The following ANAPC1 variants were observed in gnomAD, a reference collection of about 807,000 sequenced individuals.
The protein encoded by ANAPC1 is anaphase-promoting complex subunit 1.
In ANAPC1, 36 loss-of-function variants were observed where a neutral mutation model predicts 208.0. That is an observed-to-expected ratio of 0.17 (90% CI 0.13 to 0.23). The LOEUF (loss-of-function observed/expected upper bound fraction) is 0.23, where lower values mean the gene tolerates loss of function less well. Among genes scored for constraint, ANAPC1 ranks in the 10% least tolerant of loss-of-function variants. ANAPC1 has a pLI of 1.00. For synonymous variants in ANAPC1, 378 were observed against 695.2 expected, an observed-to-expected ratio of 0.54 and a Z score of 7.18; for missense variants, 942 against 2,011.6, an observed-to-expected ratio of 0.47 and a Z score of 10.17.
chr2:111,844,196 C>T (rs1173512449), intron 16 of ANAPC1, among the ~76,000 whole-genome samples: 1 of 152,108 alleles, frequency 6.6e-6, no homozygotes. Flanking sequence ...AGAGACAGTC[C>T]TGATTTACAT....
chr2:111,809,033 A>G lies in ANAPC1; in HGVS notation c.3746T>C (p.Val1249Ala). Residue 1249 changes from valine (V) to alanine (A), a missense_variant, in exon 29 of 48, where the codon GTC becomes GCC. Transcript: ENST00000341068. ...TSTELDVPHN[V>A]QVAAVVGIGL... ...AATGCCAACCACTGCAGCCACTTGG[A>G]CATTGTGAGGAACATCCAGCTCTGT... is the stretch of plus-strand genomic sequence containing the variant. 6.2e-7 allele frequency: 1 copy of G among 1,611,560 alleles called. No homozygotes were observed. The highest frequency in any genetic ancestry group is 8.5e-7 in the Non-Finnish European group (1 of 1,179,802).
chr2:111,874,610 T>C (rs1303050023), intron 3 of ANAPC1, among the ~76,000 whole-genome samples: 1 of 152,208 alleles, frequency 6.6e-6, no homozygotes, highest in African/African-American at 2.4e-5. Flanking sequence ...TTTTATCCCT[T>C]TTTAAAGCTA....
chr2:111,788,952 C>T (rs1375103783), intron 38 of ANAPC1, among the ~76,000 whole-genome samples: 2 of 152,180 alleles, frequency 1.3e-5, no homozygotes, highest in African/African-American at 4.8e-5. Context: ...TCCTGGCTAA[C>T]ACGGTGAAAC....
intron 17 of ANAPC1, among the ~76,000 whole-genome samples, chr2:111,843,135 T>C (rs1270219030): frequency 6.6e-6 from 1 of 152,218 alleles, no homozygotes; most frequent in African/African-American, 2.4e-5. Context: ...CTATCACTAA[T>C]CCTAGCATAA....
chr2:111,822,937 A>G lies in ANAPC1; in HGVS notation c.2813-337T>C, dbSNP rs1451174945. Among the ~76,000 whole-genome samples, 16 of 151,906 alleles carry G rather than the reference A, an allele frequency of 1.1e-4. No individual in the cohort carries two copies. The East Asian group carries it at 2.5e-3, about 24-fold the overall frequency. On this transcript the variant is annotated intron_variant, in intron 24 of 47. Coordinates refer to ENST00000341068, the MANE Select transcript of ANAPC1 (RefSeq NM_022662.4). ...AAATTAAAGCTACTGAGAAATATAA[A>G]TGTCAAAGCCAATCAATACTAAATG...
In ANAPC1 at chr2:111,850,896, A is replaced by C; in HGVS notation, c.1530T>G (p.Phe510Leu). 6.2e-7 allele frequency: 1 copy of C among 1,600,954 alleles called. No individual in the cohort carries two copies. Among genetic ancestry groups the C allele is most frequent in the Non-Finnish European group, 8.5e-7 (1 of 1,177,170 alleles). ...YTGVVRVGKV[F>L]IPGLPAPSLT... ...GAGAGGGAGCTGGCAGTCCAGGAAT[A>C]AAAACCTTTCCCACCTTTAAGCAAT... Residue 510 changes from phenylalanine (F) to leucine (L), a missense_variant, in exon 14 of 48, where the codon TTT (phenylalanine) becomes TTG (leucine). Physicochemically the swap from Phe to Leu is conservative, Grantham distance 22. Transcript: ENST00000341068.
chr2:111,847,393 T>G (rs1206590447), intron 15 of ANAPC1, among the ~76,000 whole-genome samples, 195 bp from the exon 16 acceptor site: 1 of 152,230 alleles, frequency 6.6e-6, no homozygotes, highest in Non-Finnish European at 1.5e-5. Flanking sequence ...CCAAAATGCT[T>G]GTTTTAATAA....
At chr2:111,851,794 G>A (rs1361354103) in intron 13 of ANAPC1, among the ~76,000 whole-genome samples, 1 of 135,594 alleles carries the variant, frequency 7.4e-6, no homozygotes, top group African/African-American at 2.9e-5. Context: ...CAGGCAACAA[G>A]AACGAAACTC....
intron 1 of ANAPC1, among the ~76,000 whole-genome samples, chr2:111,882,187 A>C (rs1683335411): frequency 6.6e-6 from 1 of 151,798 alleles, no homozygotes; most frequent in Non-Finnish European, 1.5e-5. Flanking sequence ...CTGTCTCAAA[A>C]AAAAAACCAA....
intron 18 of ANAPC1, among the ~76,000 whole-genome samples, chr2:111,835,187 G>C (rs1680399369): frequency 6.6e-6 from 1 of 152,156 alleles, no homozygotes; most frequent in African/African-American, 2.4e-5. Flanking sequence ...TCTCAGGCTA[G>C]GTTTTATAGG....
chr2:111,863,716 T>C lies in ANAPC1; in HGVS notation c.1011A>G (p.Leu337=), dbSNP rs758287289. ...SQSRSTSSPS[L]HSRSPSISNM... Reference sequence around the variant, plus strand: ...TGGAAATAGAAGGTGAGCGAGAATGTAGACTGGGTGATGAGGTTGAGCGAC... The same window carrying C: ...TGGAAATAGAAGGTGAGCGAGAATGCAGACTGGGTGATGAGGTTGAGCGAC... The change falls in exon 9 of 48, where the codon CTA becomes CTG. Residue 337 remains leucine, a synonymous_variant. Coordinates refer to ENST00000341068, the MANE Select transcript of ANAPC1 (RefSeq NM_022662.4). 152 of 1,613,762 alleles carry C rather than the reference T, an allele frequency of 9.4e-5. No individual in the cohort carries two copies. Among genetic ancestry groups the C allele is most frequent in the Non-Finnish European group, 1.2e-4 (144 of 1,179,840 alleles).
At chr2:111,866,491 C>T in intron 7 of ANAPC1, 1 of 154,888 alleles carries the variant, frequency 6.5e-6, no homozygotes, top group Non-Finnish European at 1.3e-5. Flanking sequence ...TTTGGGAGGC[C>T]GAGGTGGGTG....
rs1282782199 is a variant in ANAPC1 at position 111,768,348 on chromosome 2, CTTATT to C, written c.*938_*942del. 1.3e-5 allele frequency: 2 copies of C among 152,028 alleles called. No individual in the cohort carries two copies. The highest frequency in any genetic ancestry group is 2.9e-5 in the Non-Finnish European group (2 of 68,010). 9.4% of individuals were successfully genotyped at this position (152,028 alleles called of 1,614,324 possible). A position where few individuals can be genotyped will look rare whatever the true frequency, so the allele number is the denominator to read the frequency against. ...TCTAAAGAGCCCTCTGTAGTAATTT[CTTATT>C]TTATCTATTTAGAGCAGGCTTCACG... is the stretch of plus-strand genomic sequence containing the variant. On this transcript the variant is annotated 3_prime_UTR_variant, in exon 48 of 48. Transcript: ENST00000341068.
intron 5 of ANAPC1, 92 bp downstream of exon 5, chr2:111,873,216 C>T: frequency 1.6e-6 from 2 of 1,221,606 alleles, no homozygotes; most frequent in African/African-American, 1.5e-5. Context: ...TTGACTACTA[C>T]GAAACATGAG....
At chr2:111,794,056 G>A (rs1266301964) in intron 37 of ANAPC1, 22 bp downstream of exon 37, 1 of 1,339,998 alleles carries the variant, frequency 7.5e-7, no homozygotes, top group Admixed American at 2.7e-5. Flanking sequence ...TTATTCCCAA[G>A]GAGAATGATA....
intron 42 of ANAPC1, among the ~76,000 whole-genome samples, chr2:111,782,831 CAT>C (rs1677358714): frequency 6.6e-6 from 1 of 152,112 alleles, no homozygotes; most frequent in Non-Finnish European, 1.5e-5. Flanking sequence ...GCCTAGGGTA[CAT>C]GAGGTACTAA....
chr2:111,807,750 T>C (rs1419876544), intron 29 of ANAPC1, among the ~76,000 whole-genome samples: 1 of 151,810 alleles, frequency 6.6e-6, no homozygotes, highest in Non-Finnish European at 1.5e-5. Context: ...GGCATATACA[T>C]ATGAATTAAA....
At chr2:111,787,195 G>A (rs1272431339) in intron 39 of ANAPC1, among the ~76,000 whole-genome samples, 5 of 151,068 alleles carry the variant, frequency 3.3e-5, no homozygotes, top group East Asian at 3.9e-4. Flanking sequence ...AAATGGCTTC[G>A]TTTACAATAG....
chr2:111,868,338 G>A (rs1682549204), intron 6 of ANAPC1, among the ~76,000 whole-genome samples: 1 of 152,114 alleles, frequency 6.6e-6, no homozygotes, highest in Non-Finnish European at 1.5e-5. Context: ...ATATAGCCAG[G>A]GAATTTCTGC....
Sources: gnomAD v4.1 joint callset for allele counts (sites outside exome capture counted in the v4.1 genomes callset) on GRCh38, gnomAD v4.1.1 for gene constraint, MANE v1.5 for transcripts, NCBI Gene and HGNC (gene_info 2026-07-23, HGNC 2026-07-21) for gene names.